The following PRORP variants were observed in gnomAD, a reference collection of about 807,000 sequenced individuals.
PRORP encodes the protein protein only RNase P catalytic subunit, also known as mitochondrial ribonuclease P catalytic subunit.
A neutral mutation model predicts 59.4 loss-of-function variants in PRORP; 51 were observed. That is an observed-to-expected ratio of 0.86 (90% CI 0.69 to 1.08). The LOEUF is 1.08. PRORP is among the 50% of genes least tolerant of loss of function. The probability of loss-of-function intolerance (pLI) is 0.00; values close to 1 mark genes in which losing one functional copy is unlikely to be tolerated. For synonymous variants in PRORP, 231 were observed against 245.6 expected (o/e 0.94, Z 0.55); for missense variants, 646 against 690.3 (o/e 0.94, Z 0.72).
intron 4 of PRORP, among the ~76,000 whole-genome samples, chr14:35,142,477 A>G (rs1455843867): frequency 7.0e-6 from 1 of 141,874 alleles, no homozygotes; most frequent in Non-Finnish European, 1.6e-5. Context: ...CTTCCCAAGT[A>G]GCTAGGACTT....
chr14:35,177,017 T>C (rs1183601194), intron 4 of PRORP, among the ~76,000 whole-genome samples: 1 of 152,236 alleles, frequency 6.6e-6, no homozygotes, highest in African/African-American at 2.4e-5. Flanking sequence ...TTTTTGTCTT[T>C]GGTTCTGTTT....
chr14:35,185,620 C>T (rs2048721818), intron 5 of PRORP, among the ~76,000 whole-genome samples: 1 of 152,124 alleles, frequency 6.6e-6, no homozygotes, highest in Non-Finnish European at 1.5e-5. Context: ...TCCAGAATGG[C>T]ATAATTCAAA....
chr14:35,248,091 TTAAC>T, intron 5 of PRORP, among the ~76,000 whole-genome samples: 1 of 151,842 alleles, frequency 6.6e-6, no homozygotes, highest in Non-Finnish European at 1.5e-5. Flanking sequence ...AATTGTTTCA[TTAAC>T]TAAGGACGAG....
At chr14:35,206,289 G>A (rs1387117387) in intron 5 of PRORP, among the ~76,000 whole-genome samples, 12 of 152,218 alleles carry the variant, frequency 7.9e-5, no homozygotes, top group Non-Finnish European at 4.4e-5. Context: ...TGGGAGAGGA[G>A]TGAGGGAATG....
chr14:35,159,040 CAGA>C (rs2138938998), intron 4 of PRORP: 1 of 282,930 alleles, frequency 3.5e-6, no homozygotes, highest in South Asian at 3.7e-5. Flanking sequence ...AAGAAATCCA[CAGA>C]AGAACCACGG....
chr14:35,216,627 T>G (rs1013961282), intron 5 of PRORP, among the ~76,000 whole-genome samples: 4 of 152,226 alleles, frequency 2.6e-5, no homozygotes, highest in African/African-American at 9.7e-5. Flanking sequence ...GTTTTTGTGT[T>G]GACATGTGTT....
chr14:35,141,192 T>A (rs933791133), intron 4 of PRORP, among the ~76,000 whole-genome samples: 3 of 145,808 alleles, frequency 2.1e-5, no homozygotes, highest in African/African-American at 7.3e-5. Flanking sequence ...ATAGTGTTAC[T>A]TTAATGTTAA....
intron 5 of PRORP, among the ~76,000 whole-genome samples, chr14:35,237,739 A>T (rs1158389160): frequency 6.6e-6 from 1 of 151,982 alleles, no homozygotes; most frequent in Non-Finnish European, 1.5e-5. Context: ...GCTCACTGCA[A>T]CCTCTGCCTC....
At chr14:35,223,314 G>T (rs1182669791) in intron 5 of PRORP, among the ~76,000 whole-genome samples, 1 of 150,904 alleles carries the variant, frequency 6.6e-6, no homozygotes. Flanking sequence ...GTCTATATCT[G>T]TTTTGTAATC....
chr14:35,220,545 T>A (rs1171030316), intron 5 of PRORP, among the ~76,000 whole-genome samples: 2 of 152,088 alleles, frequency 1.3e-5, no homozygotes, highest in African/African-American at 4.8e-5. Context: ...TAATGAACAG[T>A]TCATGACATT....
chr14:35,207,245 C>CT (rs1255054460), intron 5 of PRORP, among the ~76,000 whole-genome samples: 2 of 152,166 alleles, frequency 1.3e-5, no homozygotes, highest in African/African-American at 4.8e-5. Context: ...TGCCTACACG[C>CT]TTTAACTCTT....
intron 4 of PRORP, among the ~76,000 whole-genome samples, chr14:35,132,753 C>CTCCA (rs1261489541): frequency 1.4e-5 from 2 of 142,830 alleles, no homozygotes; most frequent in African/African-American, 5.3e-5. Context: ...CGCCACAGTA[C>CTCCA]TCCAGCCTGG....
At chr14:35,227,066 T>A (rs2049953449) in intron 5 of PRORP, among the ~76,000 whole-genome samples, 1 of 152,070 alleles carries the variant, frequency 6.6e-6, no homozygotes, top group South Asian at 2.1e-4. Flanking sequence ...CTTGTGATAT[T>A]GGTGGATTTT....
intron 4 of PRORP, among the ~76,000 whole-genome samples, chr14:35,162,065 T>C (rs990320012): frequency 7.9e-5 from 12 of 152,096 alleles, no homozygotes; most frequent in African/African-American, 2.7e-4. Context: ...CTTCCCCTTC[T>C]CTTTTTTCTT....
At chr14:35,202,999 ATGT>A (rs1453844746) in intron 5 of PRORP, among the ~76,000 whole-genome samples, 2 of 152,158 alleles carry the variant, frequency 1.3e-5, no homozygotes, top group African/African-American at 4.8e-5. Context: ...TTTAAATAAA[ATGT>A]TGGTTTTTGA....
intron 4 of PRORP, among the ~76,000 whole-genome samples, chr14:35,139,248 T>C (rs115914922): frequency 0.011 from 1,670 of 145,984 alleles, 109 homozygotes; most frequent in African/African-American, 0.035. Flanking sequence ...TGAGCCACCG[T>C]GCCCAGGAAT....
chr14:35,130,825 A>G (rs936632074), intron 4 of PRORP, among the ~76,000 whole-genome samples: 2 of 151,710 alleles, frequency 1.3e-5, no homozygotes, highest in Non-Finnish European at 2.9e-5. Context: ...TTAAATATAG[A>G]GACAGGGTCT....
intron 5 of PRORP, among the ~76,000 whole-genome samples, chr14:35,223,456 CTTTTTTTTT>C (rs5807819): frequency 1.2e-5 from 1 of 81,458 alleles, no homozygotes; most frequent in African/African-American, 5.0e-5. Flanking sequence ...TAGACTTTAA[CTTTTTTTTT>C]TTTTTTTTTT....
At chr14:35,257,661 A>G (rs909808240) in intron 5 of PRORP, among the ~76,000 whole-genome samples, 1 of 152,200 alleles carries the variant, frequency 6.6e-6, no homozygotes, top group African/African-American at 2.4e-5. Flanking sequence ...GTATCCCATA[A>G]TGAATGTTCT....
Sources: allele counts gnomAD v4.1 joint callset (sites outside exome capture counted in the v4.1 genomes callset), GRCh38; gene constraint gnomAD v4.1.1; transcripts MANE v1.5; gene names NCBI Gene and HGNC (gene_info 2026-07-23, HGNC 2026-07-21).